Variants in RIGI observed in about 807,000 individuals in gnomAD.
RIGI encodes antiviral innate immune response receptor RIG-I.
At chr9:32,477,081 G>A in the RIGI span, 8 of 1,614,080 alleles carry the variant, frequency 5.0e-6, no homozygotes, top group Admixed American at 1.0e-4. Context: ...TCAAGTTTAG[G>A]ATTCTCATTG....
the RIGI span, among the ~76,000 whole-genome samples, chr9:32,507,102 T>C: frequency 6.6e-6 from 1 of 152,210 alleles, no homozygotes; most frequent in African/African-American, 2.4e-5. Context: ...TAGCTAACAG[T>C]AATTTAATAC....
At chr9:32,500,739 CT>C in the RIGI span, 14 of 1,555,932 alleles carry the variant, frequency 9.0e-6, no homozygotes, top group East Asian at 3.2e-4. Context: ...TAGCTTTTCA[CT>C]TTTACAGTAT....
At chr9:32,498,236 CA>C in the RIGI span, 1 of 455,756 alleles carries the variant, frequency 2.2e-6, no homozygotes, top group Non-Finnish European at 4.4e-6. Flanking sequence ...ATCAGAGGGC[CA>C]AAAACTCCAC....
the RIGI span, chr9:32,487,575 A>G: frequency 6.2e-7 from 1 of 1,614,204 alleles, no homozygotes; most frequent in Non-Finnish European, 8.5e-7. Context: ...GATATAATCC[A>G]AGGCTTCATC....
chr9:32,475,205 G>C, the RIGI span, among the ~76,000 whole-genome samples: 1 of 152,132 alleles, frequency 6.6e-6, no homozygotes, highest in Non-Finnish European at 1.5e-5. Flanking sequence ...GCCCGCCTCA[G>C]CCTCCCAAAG....
the RIGI span, chr9:32,480,410 A>G: frequency 6.9e-7 from 1 of 1,458,560 alleles, no homozygotes; most frequent in Non-Finnish European, 9.3e-7. Flanking sequence ...CATTCACTGT[A>G]TTTAAGTTCA....
chr9:32,467,626 A>C, the RIGI span: 6 of 755,754 alleles, frequency 7.9e-6, no homozygotes, highest in Non-Finnish European at 1.2e-5. Flanking sequence ...TTAAGGGCCA[A>C]TGATACCAAA....
chr9:32,481,056 C>T, the RIGI span, among the ~76,000 whole-genome samples: 1 of 152,208 alleles, frequency 6.6e-6, no homozygotes, highest in African/African-American at 2.4e-5. Flanking sequence ...TGTTCTCTCA[C>T]AATCACCCAA....
the RIGI span, among the ~76,000 whole-genome samples, chr9:32,464,097 A>G: frequency 4.6e-5 from 7 of 151,540 alleles, no homozygotes; most frequent in South Asian, 1.0e-3. Context: ...CACACAGACA[A>G]TGGACAGTAC....
the RIGI span, among the ~76,000 whole-genome samples, chr9:32,476,565 T>C: frequency 6.6e-6 from 1 of 151,470 alleles, no homozygotes; most frequent in Non-Finnish European, 1.5e-5. Flanking sequence ...AGGATAAACA[T>C]ATAATCAGAA....
the RIGI span, among the ~76,000 whole-genome samples, chr9:32,497,842 T>C: frequency 6.6e-6 from 1 of 152,076 alleles, no homozygotes; most frequent in African/African-American, 2.4e-5. Flanking sequence ...TTGGATACCT[T>C]GTCTTTCTTT....
the RIGI span, among the ~76,000 whole-genome samples, chr9:32,522,488 G>T: frequency 6.6e-6 from 1 of 152,186 alleles, no homozygotes; most frequent in Admixed American, 6.5e-5. Context: ...AAATGGCCTT[G>T]TGAGAGGTTC....
At chr9:32,479,150 G>T in the RIGI span, among the ~76,000 whole-genome samples, 1 of 152,044 alleles carries the variant, frequency 6.6e-6, no homozygotes, top group East Asian at 1.9e-4. Flanking sequence ...GTTGGCCATG[G>T]ATACAAAAAA....
At chr9:32,468,343 A>G in the RIGI span, among the ~76,000 whole-genome samples, 1 of 152,258 alleles carries the variant, frequency 6.6e-6, no homozygotes, top group African/African-American at 2.4e-5. Context: ...CCTATAGGTC[A>G]AAGGGTAAGT....
At chr9:32,519,656 T>C in the RIGI span, among the ~76,000 whole-genome samples, 5 of 152,176 alleles carry the variant, frequency 3.3e-5, no homozygotes, top group African/African-American at 1.2e-4. Flanking sequence ...GAGGCAAAAC[T>C]GCTATATGGG....
At chr9:32,459,604 A>G in the RIGI span, 10 of 1,185,150 alleles carry the variant, frequency 8.4e-6, no homozygotes, top group Non-Finnish European at 1.2e-5. Context: ...ATATACATGC[A>G]CGCACATGTA....
At chr9:32,462,397 G>A in the RIGI span, among the ~76,000 whole-genome samples, 1 of 134,708 alleles carries the variant, frequency 7.4e-6, no homozygotes, top group Non-Finnish European at 1.6e-5. Context: ...AAAAAAATTA[G>A]ATCTAGCTTT....
chr9:32,488,335 C>G, the RIGI span: 1 of 920,390 alleles, frequency 1.1e-6, no homozygotes, highest in South Asian at 1.7e-5. Flanking sequence ...GTAGGCAAGT[C>G]CTTAGCACAG....
At chr9:32,466,141 A>T in the RIGI span, 2 of 803,424 alleles carry the variant, frequency 2.5e-6, no homozygotes. Context: ...ATTGACATTT[A>T]AAAACAGAAT....
Sources: allele counts gnomAD v4.1 joint callset (sites outside exome capture counted in the v4.1 genomes callset), GRCh38; gene constraint gnomAD v4.1.1; transcripts MANE v1.5; gene names NCBI Gene and HGNC (gene_info 2026-07-23, HGNC 2026-07-21).